Variants in NRXN3 observed in about 807,000 individuals in gnomAD.
NRXN3 encodes the protein neurexin III.
NRXN3 carries 32 observed loss-of-function variants against 137.6 expected under a neutral mutation model. That is an observed-to-expected ratio of 0.23 (90% CI 0.18 to 0.31). The LOEUF (loss-of-function observed/expected upper bound fraction) is 0.31, where lower values mean the gene tolerates loss of function less well. Ranked by LOEUF, NRXN3 falls within the 10% of genes least tolerant of loss-of-function variation. The pLI is 1.00. For missense variants in NRXN3, 1,574 were observed against 2,062.5 expected (o/e 0.76, Z 4.59); for synonymous variants, 798 against 784.5 (o/e 1.02, Z -0.29).
intron 15 of NRXN3, among the ~76,000 whole-genome samples, chr14:79,222,942 C>G (rs1270458105): frequency 1.3e-5 from 2 of 151,960 alleles, no homozygotes; most frequent in East Asian, 3.9e-4. Context: ...ATGTCTTTTT[C>G]AAATATTTTT....
rs1555397490 is a variant in NRXN3, at chr14:79,358,607, G to GAGAAAGAAAGAAGGAAAGAA, written c.3263-108602_3263-108601insGGAAAGAAAGAAAGAAAGAA. 1.3e-3 allele frequency among the ~76,000 whole-genome samples: 104 copies of GAGAAAGAAAGAAGGAAAGAA among 79,984 alleles called. 2 individuals carry two copies. The highest frequency in any genetic ancestry group is 4.0e-3 in the African/African-American group (97 of 24,020). The allele number at this position is 79,984 out of a possible 152,430, so 52.5% of individuals were successfully genotyped here. ...AGAGAGAAAGAAAGAAAGAAAGAAA[G>GAGAAAGAAAGAAGGAAAGAA]AGAAAGAAAGAAAGAAAGAAAGAAA... On this transcript the variant is annotated intron_variant, in intron 15 of 20. Transcript: ENST00000335750.
intron 4 of NRXN3, among the ~76,000 whole-genome samples, chr14:78,391,088 C>T (rs901211862): frequency 2.0e-5 from 3 of 152,242 alleles, no homozygotes; most frequent in African/African-American, 7.2e-5. Context: ...CAGCTTTATC[C>T]ATGTCCCTGC....
intron 4 of NRXN3, among the ~76,000 whole-genome samples, chr14:78,418,049 G>C (rs746834916): frequency 6.6e-5 from 10 of 152,128 alleles, no homozygotes; most frequent in Non-Finnish European, 1.2e-4. Flanking sequence ...GAGCCCCCAA[G>C]CCTGGCCTGA....
At position 79,553,056 on chromosome 14, in the gene NRXN3, G is replaced by T. The variant is rs112140937; in HGVS notation, c.3444+85654G>T. On this transcript the variant is annotated intron_variant, in intron 16 of 20. Transcript: ENST00000335750. Reference sequence around the variant, plus strand: ...CCCTACACTTAGGAAAGGAATGTGGGGGGTGGGGAAAGCTGTGCAGGAGAA... The same window carrying T: ...CCCTACACTTAGGAAAGGAATGTGGTGGGTGGGGAAAGCTGTGCAGGAGAA... Among the ~76,000 whole-genome samples the T allele has an allele frequency of 5.6e-3, 850 of 152,264 alleles. 5 individuals are homozygous for T. Among genetic ancestry groups the T allele is most frequent in the African/African-American group, 0.02 (823 of 41,550 alleles).
intron 15 of NRXN3, among the ~76,000 whole-genome samples, chr14:79,401,195 A>T (rs1429103554): frequency 6.6e-6 from 1 of 152,148 alleles, no homozygotes; most frequent in East Asian, 1.9e-4. Context: ...TAAATTTTGG[A>T]TTTGAATGAC....
intron 15 of NRXN3, among the ~76,000 whole-genome samples, chr14:79,162,458 C>T (rs112740720): frequency 6.6e-6 from 1 of 151,866 alleles, no homozygotes; most frequent in Non-Finnish European, 1.5e-5. Flanking sequence ...CATGTCCCTA[C>T]AAAGGACGTG....
At chr14:79,194,919 G>T (rs1484650965) in intron 15 of NRXN3, among the ~76,000 whole-genome samples, 1 of 151,998 alleles carries the variant, frequency 6.6e-6, no homozygotes, top group Non-Finnish European at 1.5e-5. Context: ...GTTATTTTCT[G>T]TGGAGGAAGA....
chr14:79,427,928 G>C (rs976702520), intron 15 of NRXN3, among the ~76,000 whole-genome samples: 2 of 152,126 alleles, frequency 1.3e-5, no homozygotes, highest in African/African-American at 4.8e-5. Flanking sequence ...GCACTGGCCT[G>C]AGTGCTACAT....
rs911480073 is a variant in NRXN3, at chr14:79,861,469, T to C, written c.4221T>C (p.Pro1407=). 1.3e-6 allele frequency: 2 copies of C among 1,537,242 alleles called. No homozygotes were observed. The highest frequency in any genetic ancestry group is 1.7e-6 in the Non-Finnish European group (2 of 1,147,082). Residue 1407 remains proline (P), a synonymous_variant, in exon 21 of 21, where the codon CCT becomes CCC. Coordinates refer to ENST00000335750, the MANE Select transcript of NRXN3 (RefSeq NM_001330195.2). The surrounding 1 kb of genome is among the most constrained non-coding windows in gnomAD (Gnocchi z 5.4). ...TSRTTTTSLS[P]ELIRFTASSS... ...GGACTACTACCACATCTTTATCCCC[T>C]GAGCTGATCCGCTTCACAGCTTCCT...
At chr14:78,337,041 T>TA (rs888107035) in intron 4 of NRXN3, among the ~76,000 whole-genome samples, 1 of 152,152 alleles carries the variant, frequency 6.6e-6, no homozygotes, top group African/African-American at 2.4e-5. Context: ...AGCCCCTTTC[T>TA]ATTTTTTTTG....
intron 4 of NRXN3, chr14:78,403,885 C>G (rs2092295926): frequency 1.0e-6 from 1 of 985,174 alleles, no homozygotes; most frequent in South Asian, 4.7e-5. Flanking sequence ...GCAGGTAAGT[C>G]TTTCGGCTCA....
rs540210519 is a variant in NRXN3, at chr14:79,079,646, CCT to C, written c.3262+91508_3262+91509del. 3.7e-4 allele frequency among the ~76,000 whole-genome samples: 57 copies of C among 152,156 alleles called. 1 individual carries two copies. Among genetic ancestry groups the C allele is most frequent in the African/African-American group, 1.3e-3 (56 of 41,512 alleles). On this transcript the variant is annotated intron_variant, in intron 15 of 20. Transcript: ENST00000335750. ...TAATAGATTGGTATTAATGTTTCTG[CCT>C]CTTTTACTCTTTGGAAGACGTGCCA...
chr14:79,637,373 G>A (rs558902812), intron 16 of NRXN3, among the ~76,000 whole-genome samples: 12 of 152,208 alleles, frequency 7.9e-5, no homozygotes, highest in African/African-American at 2.4e-4. Flanking sequence ...ACCCAGGAAT[G>A]GAAGCCCCAC....
chr14:78,322,080 A>G (rs780689001), intron 4 of NRXN3, among the ~76,000 whole-genome samples: 61 of 151,826 alleles, frequency 4.0e-4, no homozygotes, highest in Non-Finnish European at 2.2e-4. Flanking sequence ...TCTGCATACC[A>G]GCCCTTTTTT....
At chr14:78,885,515 A>C (rs2099141117) in intron 10 of NRXN3, among the ~76,000 whole-genome samples, 1 of 152,168 alleles carries the variant, frequency 6.6e-6, no homozygotes, top group Non-Finnish European at 1.5e-5. Flanking sequence ...AATTATTTTT[A>C]AGTGAATAAC....
At chr14:78,883,053 G>C (rs1050598061) in intron 10 of NRXN3, among the ~76,000 whole-genome samples, 1 of 152,114 alleles carries the variant, frequency 6.6e-6, no homozygotes, top group Non-Finnish European at 1.5e-5. Flanking sequence ...GTGCCACCAT[G>C]TGAAGAAGGA....
At chr14:79,144,073 G>A (rs551807309) in intron 15 of NRXN3, among the ~76,000 whole-genome samples, 12 of 152,190 alleles carry the variant, frequency 7.9e-5, no homozygotes, top group African/African-American at 1.9e-4. Context: ...AGGCACTTAC[G>A]TTGTGGGACA....
intron 10 of NRXN3, among the ~76,000 whole-genome samples, chr14:78,856,892 C>T (rs1768568956): frequency 6.6e-6 from 1 of 152,148 alleles, no homozygotes; most frequent in South Asian, 2.1e-4. Flanking sequence ...TGTCACAATG[C>T]CAAGCTAATT....
At chr14:79,572,439 T>C (rs2097615287) in intron 16 of NRXN3, among the ~76,000 whole-genome samples, 1 of 152,222 alleles carries the variant, frequency 6.6e-6, no homozygotes, top group Non-Finnish European at 1.5e-5. Flanking sequence ...TTCATTTTTA[T>C]AGAATCCAGA....
Sources: allele counts gnomAD v4.1 joint callset (sites outside exome capture counted in the v4.1 genomes callset), GRCh38; gene constraint gnomAD v4.1.1; non-coding constraint Gnocchi (gnomAD v3.1); transcripts MANE v1.5; gene names NCBI Gene and HGNC (gene_info 2026-07-23, HGNC 2026-07-21).